The following TESC variants were observed in gnomAD, a reference collection of about 807,000 sequenced individuals.
TESC encodes calcineurin B homologous protein 3.
Under a neutral mutation model 31.0 loss-of-function variants are expected in TESC, and 19 were observed. The ratio of observed to expected loss-of-function variants is 0.61; its 90% CI spans 0.43 to 0.90. The LOEUF (loss-of-function observed/expected upper bound fraction) is 0.90. Ranked by LOEUF, TESC falls within the 40% of genes least tolerant of loss-of-function variation. The pLI is 0.00. For missense variants in TESC, 248 were observed against 303.8 expected (o/e 0.82, Z 1.36); for synonymous variants, 109 against 114.8 (o/e 0.95, Z 0.32).
intron 3 of TESC, among the ~76,000 whole-genome samples, chr12:117,053,197 C>G (rs966255894): frequency 6.6e-6 from 1 of 152,260 alleles, no homozygotes; most frequent in Non-Finnish European, 1.5e-5. Flanking sequence ...CTGTGCCAGT[C>G]CTCCCACAGC....
chr12:117,054,996 A>C (rs895174577), intron 3 of TESC, among the ~76,000 whole-genome samples: 7 of 152,008 alleles, frequency 4.6e-5, no homozygotes, highest in Non-Finnish European at 7.4e-5. Context: ...CTTTCACCTT[A>C]AACAATACTG....
chr12:117,048,717 G>A (rs1156414148), intron 4 of TESC: 3 of 546,030 alleles, frequency 5.5e-6, no homozygotes, highest in Non-Finnish European at 1.0e-5. Flanking sequence ...CACATGGCTG[G>A]TGAGACGGGC....
At chr12:117,051,354 G>T (rs111813395) in intron 3 of TESC, among the ~76,000 whole-genome samples, 1 of 152,160 alleles carries the variant, frequency 6.6e-6, no homozygotes, top group Admixed American at 6.5e-5. Context: ...CCAGGGAGAG[G>T]TGGGGTCCCA....
intron 2 of TESC, among the ~76,000 whole-genome samples, chr12:117,064,019 G>A (rs1028168915): frequency 1.4e-4 from 21 of 152,078 alleles, no homozygotes; most frequent in Non-Finnish European, 2.4e-4. Context: ...TGAACTCCTG[G>A]GCTCAAGTGA....
At chr12:117,089,514 G>A (rs1955276602) in intron 1 of TESC, among the ~76,000 whole-genome samples, 2 of 152,126 alleles carry the variant, frequency 1.3e-5, no homozygotes, top group African/African-American at 4.8e-5. Context: ...CTATATAGTA[G>A]GCTTTAAATT....
chr12:117,049,413 C>T (rs540805043), intron 3 of TESC, among the ~76,000 whole-genome samples: 2 of 152,314 alleles, frequency 1.3e-5, no homozygotes, highest in Admixed American at 6.5e-5. Flanking sequence ...AACTGCGTGA[C>T]CGTTGATTCA....
At chr12:117,039,736 G>A (rs1020548762) in intron 7 of TESC, among the ~76,000 whole-genome samples, 2 of 152,198 alleles carry the variant, frequency 1.3e-5, no homozygotes, top group African/African-American at 4.8e-5. Context: ...ACCTCCCTGG[G>A]ATAAGGGATC....
intron 3 of TESC, among the ~76,000 whole-genome samples, chr12:117,053,523 GTTT>G (rs142266228): frequency 1.3e-5 from 2 of 151,558 alleles, no homozygotes; most frequent in East Asian, 1.9e-4. Flanking sequence ...CTTGGGTCAA[GTTT>G]TTTTTTAAGG....
intron 1 of TESC, among the ~76,000 whole-genome samples, chr12:117,092,440 C>T (rs764893152): frequency 3.9e-5 from 6 of 152,216 alleles, no homozygotes; most frequent in South Asian, 2.1e-4. Flanking sequence ...GCTTCCACAG[C>T]GGGCATTCTC....
At chr12:117,081,623 G>A (rs1955148937) in intron 1 of TESC, among the ~76,000 whole-genome samples, 1 of 152,204 alleles carries the variant, frequency 6.6e-6, no homozygotes, top group Non-Finnish European at 1.5e-5. Context: ...AAACTGGGGG[G>A]CTGGGTGTGG....
intron 1 of TESC, among the ~76,000 whole-genome samples, chr12:117,078,427 C>T (rs988069480): frequency 1.3e-5 from 2 of 152,126 alleles, no homozygotes; most frequent in Non-Finnish European, 2.9e-5. Flanking sequence ...AATCGCACCA[C>T]TGCACTCCAG....
intron 7 of TESC, 111 bp downstream of exon 7, chr12:117,041,836 C>T: frequency 2.6e-6 from 3 of 1,142,264 alleles, no homozygotes; most frequent in African/African-American, 1.6e-5. Context: ...GTTGGTCACC[C>T]AGGAAGCCTG....
chr12:117,047,912 T>C (rs548759415), intron 4 of TESC, among the ~76,000 whole-genome samples: 133 of 152,092 alleles, frequency 8.7e-4, no homozygotes, highest in African/African-American at 3.1e-3. Flanking sequence ...CCGTGCTCAT[T>C]TTTTTATTTT....
chr12:117,097,492 A>G (rs976910089), intron 1 of TESC, among the ~76,000 whole-genome samples: 1 of 152,302 alleles, frequency 6.6e-6, no homozygotes, highest in African/African-American at 2.4e-5. Flanking sequence ...TCCCAGCCAC[A>G]GAGAATGCCC....
intron 1 of TESC, 76 bp downstream of exon 1, chr12:117,099,149 G>A (rs1955437567): frequency 2.1e-6 from 3 of 1,409,134 alleles, no homozygotes; most frequent in African/African-American, 3.0e-5. Flanking sequence ...ACAGCGCGGC[G>A]GCGGGCCGGG....
At chr12:117,061,949 G>A (rs1264351304) in intron 2 of TESC, among the ~76,000 whole-genome samples, 2 of 152,110 alleles carry the variant, frequency 1.3e-5, no homozygotes, top group South Asian at 2.1e-4. Flanking sequence ...AACATGATGG[G>A]GCTAATGAGA....
At chr12:117,041,457 C>T (rs146369801) in intron 7 of TESC, among the ~76,000 whole-genome samples, 4,170 of 152,194 alleles carry the variant, frequency 0.027, 88 homozygotes, top group Non-Finnish European at 0.044. Flanking sequence ...CTCTGCCTCC[C>T]GAGTAGCTGG....
intron 2 of TESC, among the ~76,000 whole-genome samples, chr12:117,066,225 G>GTTTTTTTTTT (rs1491432827): frequency 1.0e-4 from 1 of 9,608 alleles, no homozygotes; most frequent in African/African-American, 7.2e-4. Flanking sequence ...TTTTTTTTTT[G>GTTTTTTTTTT]GGGCAGGGCT....
At chr12:117,090,927 C>A (rs565873232) in intron 1 of TESC, among the ~76,000 whole-genome samples, 4 of 152,212 alleles carry the variant, frequency 2.6e-5, no homozygotes, top group Non-Finnish European at 4.4e-5. Flanking sequence ...CTACAGCCCC[C>A]CTTTGAGGAC....
Sources: allele counts gnomAD v4.1 joint callset (sites outside exome capture counted in the v4.1 genomes callset), GRCh38; gene constraint gnomAD v4.1.1; transcripts MANE v1.5; gene names NCBI Gene and HGNC (gene_info 2026-07-23, HGNC 2026-07-21).